RFX4: variants seen among roughly 807,000 people sequenced by gnomAD.
RFX4 encodes the protein regulatory factor X4.
RFX4 carries 10 observed loss-of-function variants against 95.0 expected under a neutral mutation model. The ratio of observed to expected loss-of-function variants is 0.11; its 90% CI spans 0.06 to 0.18. RFX4 has a LOEUF of 0.18. Ranked by LOEUF, RFX4 falls within the 10% of genes least tolerant of loss-of-function variation. The probability of loss-of-function intolerance (pLI) is 1.00; values close to 1 mark genes in which losing one functional copy is unlikely to be tolerated. For missense variants in RFX4, 640 were observed against 922.0 expected, an observed-to-expected ratio of 0.69 and a Z score of 3.96; for synonymous variants, 321 against 340.7, an observed-to-expected ratio of 0.94 and a Z score of 0.64.
At chr12:106,683,349 A>AT (rs968587801) in intron 5 of RFX4, 4 of 151,338 alleles carry the variant, frequency 2.6e-5, no homozygotes, top group South Asian at 4.2e-4. Flanking sequence ...AATGAGACTA[A>AT]TTTTTTTGGT....
intron 15 of RFX4, among the ~76,000 whole-genome samples, chr12:106,742,755 C>A (rs1434927180): frequency 6.6e-6 from 1 of 152,198 alleles, no homozygotes; most frequent in Non-Finnish European, 1.5e-5. Flanking sequence ...AACTCTGCCA[C>A]TTACCTGAGC....
intron 6 of RFX4, among the ~76,000 whole-genome samples, chr12:106,687,549 CAAA>C (rs34562413): frequency 6.8e-5 from 5 of 73,876 alleles, no homozygotes; most frequent in African/African-American, 7.5e-5. Flanking sequence ...AACTCCATCT[CAAA>C]AAAAAAAAAA....
chr12:106,612,389 A>C (rs1371991945), intron 2 of RFX4, among the ~76,000 whole-genome samples: 1 of 152,136 alleles, frequency 6.6e-6, no homozygotes, highest in African/African-American at 2.4e-5. Context: ...AAATTTTCTT[A>C]ATTTCCTTTT....
At chr12:106,583,675 G>A (rs1285722925) in intron 1 of RFX4, 2 of 256,216 alleles carry the variant, frequency 7.8e-6, no homozygotes, top group Non-Finnish European at 7.4e-6. Flanking sequence ...CGAGCTCGAG[G>A]TGCCACTTGC....
At chr12:106,704,471 CT>C (rs1318616246) in intron 8 of RFX4, among the ~76,000 whole-genome samples, 1 of 152,160 alleles carries the variant, frequency 6.6e-6, no homozygotes, top group Non-Finnish European at 1.5e-5. Flanking sequence ...ATCCCTCAAA[CT>C]TTTTTGAGTG....
chr12:106,647,046 G>A (rs1565963085), intron 3 of RFX4, among the ~76,000 whole-genome samples: 1 of 152,172 alleles, frequency 6.6e-6, no homozygotes, highest in South Asian at 2.1e-4. Context: ...GCCTGTATGA[G>A]CCAAAGCCCA....
intron 7 of RFX4, among the ~76,000 whole-genome samples, chr12:106,694,520 T>G (rs1380783431): frequency 1.3e-5 from 2 of 152,076 alleles, no homozygotes; most frequent in African/African-American, 4.8e-5. Flanking sequence ...GCCTCAGCAA[T>G]GGGGTAGAAA....
intron 4 of RFX4, among the ~76,000 whole-genome samples, chr12:106,669,750 A>T (rs2041244645): frequency 6.6e-6 from 1 of 151,138 alleles, no homozygotes; most frequent in Non-Finnish European, 1.5e-5. Flanking sequence ...TCTACTTTTA[A>T]TTCTTGTATA....
intron 4 of RFX4, among the ~76,000 whole-genome samples, chr12:106,663,015 T>C (rs1226742166): frequency 6.6e-6 from 1 of 152,136 alleles, no homozygotes; most frequent in African/African-American, 2.4e-5. Context: ...ATTTTGTTCT[T>C]CTTCAATATC....
intron 4 of RFX4, among the ~76,000 whole-genome samples, chr12:106,665,607 G>T (rs764014052): frequency 2.6e-5 from 4 of 151,500 alleles, no homozygotes; most frequent in Non-Finnish European, 5.9e-5. Context: ...AGTTTTAATT[G>T]AGCATTTCAT....
intron 4 of RFX4, among the ~76,000 whole-genome samples, chr12:106,658,916 T>C (rs1173398501): frequency 6.6e-6 from 1 of 152,046 alleles, no homozygotes; most frequent in East Asian, 1.9e-4. Flanking sequence ...ACACCGAGTG[T>C]TACACCCTGA....
chr12:106,602,748 A>G (rs2039738374), intron 1 of RFX4, among the ~76,000 whole-genome samples: 1 of 152,076 alleles, frequency 6.6e-6, no homozygotes, highest in Non-Finnish European at 1.5e-5. Context: ...TTCTTCCCAG[A>G]GGCCTTTCTG....
chr12:106,697,615 C>A (rs1189598011), intron 8 of RFX4, among the ~76,000 whole-genome samples: 1 of 152,014 alleles, frequency 6.6e-6, no homozygotes, highest in Non-Finnish European at 1.5e-5. Flanking sequence ...TACTGAGGCT[C>A]TAAGGGAGAG....
At chr12:106,597,766 G>A (rs2039643297) in intron 1 of RFX4, among the ~76,000 whole-genome samples, 1 of 152,200 alleles carries the variant, frequency 6.6e-6, no homozygotes, top group African/African-American at 2.4e-5. Context: ...AGGCTGAGGT[G>A]AGAGAATCAC....
In RFX4 at chr12:106,749,529, G is replaced by GT. The variant is rs537323903; in HGVS notation, c.1797-1125dup. 3.8e-3 allele frequency among the ~76,000 whole-genome samples: 578 copies of GT among 152,278 alleles called. 2 individuals are homozygous for GT. Among genetic ancestry groups the GT allele is most frequent in the African/African-American group, 0.013 (548 of 41,556 alleles). On this transcript the variant is annotated intron_variant, in intron 16 of 17. Transcript: ENST00000392842. ...TTATTTTCTCAGGGGGCCTTTGAGA[G>GT]TATTTCCACACATTTAGAATAGACT...
At chr12:106,722,758 T>C (rs2042419192) in intron 13 of RFX4, among the ~76,000 whole-genome samples, 1 of 152,198 alleles carries the variant, frequency 6.6e-6, no homozygotes, top group Non-Finnish European at 1.5e-5. Context: ...CTCATCTGAC[T>C]CATTGTTGAA....
chr12:106,703,609 A>G (rs1010788667), intron 8 of RFX4, among the ~76,000 whole-genome samples: 3 of 152,240 alleles, frequency 2.0e-5, no homozygotes, highest in Non-Finnish European at 4.4e-5. Context: ...TATAAGAAAG[A>G]TTCACATACT....
intron 2 of RFX4, among the ~76,000 whole-genome samples, chr12:106,611,207 C>T (rs1291172497): frequency 6.6e-6 from 1 of 152,144 alleles, no homozygotes; most frequent in African/African-American, 2.4e-5. Flanking sequence ...TATTCTGGAT[C>T]TTAACCTCTT....
At chr12:106,591,410 G>C (rs777387413) in intron 1 of RFX4, among the ~76,000 whole-genome samples, 1 of 151,660 alleles carries the variant, frequency 6.6e-6, no homozygotes, top group African/African-American at 2.4e-5. Context: ...TGAGATTACA[G>C]GTGCCCGCCA....
Sources: allele counts gnomAD v4.1 joint callset (sites outside exome capture counted in the v4.1 genomes callset), GRCh38; gene constraint gnomAD v4.1.1; transcripts MANE v1.5; gene names NCBI Gene and HGNC (gene_info 2026-07-23, HGNC 2026-07-21).